Variants in DPH6 observed in about 807,000 individuals in gnomAD.
The protein encoded by DPH6 is diphthamine biosynthesis 6, also known as diphthine--ammonia ligase.
DPH6 carries 33 observed loss-of-function variants against 38.2 expected under a neutral mutation model. That is an observed-to-expected ratio of 0.86 (90% CI 0.65 to 1.15). The LOEUF (loss-of-function observed/expected upper bound fraction) is 1.15, where lower values mean the gene tolerates loss of function less well. Ranked by LOEUF, DPH6 falls within the 50% of genes most tolerant of loss-of-function variation. The pLI is 0.00. For missense variants in DPH6, 325 were observed against 320.0 expected (o/e 1.02, Z -0.12); for synonymous variants, 108 against 103.0 (o/e 1.05, Z -0.30).
chr15:35,347,164 T>A (rs565937464), intron 3 of DPH6, among the ~76,000 whole-genome samples: 40 of 152,278 alleles, frequency 2.6e-4, no homozygotes, highest in African/African-American at 8.7e-4. Flanking sequence ...ACACAGCCCC[T>A]GACAAACACT....
intron 3 of DPH6, chr15:35,237,910 A>C: frequency 7.1e-7 from 1 of 1,407,442 alleles, no homozygotes; most frequent in Non-Finnish European, 1.0e-6. Flanking sequence ...AGGAAGGTGA[A>C]GAGGAGGACG....
intron 3 of DPH6, among the ~76,000 whole-genome samples, chr15:35,462,659 T>A: frequency 6.6e-6 from 1 of 152,200 alleles, no homozygotes; most frequent in South Asian, 2.1e-4. Context: ...CTCCTAACCT[T>A]TCACCATCAC....
rs116845369 is a variant in DPH6 at position 35,400,226 on chromosome 15, T to C, written c.567+10609A>G. Among the ~76,000 whole-genome samples, 206 of 152,222 alleles carry C rather than the reference T, an allele frequency of 1.4e-3. 3 individuals are homozygous for C. The East Asian group carries it at 0.029, about 21-fold the overall frequency. Reference sequence around the variant, plus strand: ...ACAATTATTCACTCAAGAGAAAAAATAAAAGTTGTACAGGAAAAGAAAGGT... The same window carrying C: ...ACAATTATTCACTCAAGAGAAAAAACAAAAGTTGTACAGGAAAAGAAAGGT... On this transcript the variant is annotated intron_variant, in intron 6 of 8. Coordinates refer to ENST00000256538, the MANE Select transcript of DPH6 (RefSeq NM_080650.4).
At chr15:35,333,939 C>T (rs1311952869) in intron 3 of DPH6, among the ~76,000 whole-genome samples, 1 of 152,116 alleles carries the variant, frequency 6.6e-6, no homozygotes, top group Non-Finnish European at 1.5e-5. Context: ...GAGTACTATG[C>T]AGCCATAAAG....
chr15:35,514,642 A>G (rs2054820685), intron 3 of DPH6, among the ~76,000 whole-genome samples: 1 of 152,196 alleles, frequency 6.6e-6, no homozygotes. Context: ...CTTGTGGTGG[A>G]AGCACTAAAA....
At chr15:35,325,862 G>A (rs2052278095), downstream of DPH6, among the ~76,000 whole-genome samples, 1 of 151,690 alleles carries the variant, frequency 6.6e-6, no homozygotes, top group Non-Finnish European at 1.5e-5. Flanking sequence ...AATATATAAA[G>A]AAATAATGTA....
the DPH6 span, among the ~76,000 whole-genome samples, chr15:35,183,476 A>C: frequency 6.6e-6 from 1 of 152,244 alleles, no homozygotes; most frequent in Admixed American, 6.5e-5. Flanking sequence ...AAACGGTAAC[A>C]CTAAGCTCCA....
At chr15:35,154,515 C>T in the DPH6 span, among the ~76,000 whole-genome samples, 1 of 152,004 alleles carries the variant, frequency 6.6e-6, no homozygotes, top group Admixed American at 6.6e-5. Flanking sequence ...AATTATTGTT[C>T]CCATTACTTT....
At chr15:35,537,018 A>C (rs1001181944) in intron 3 of DPH6, among the ~76,000 whole-genome samples, 2 of 152,076 alleles carry the variant, frequency 1.3e-5, no homozygotes, top group Non-Finnish European at 2.9e-5. Flanking sequence ...GAACTACTCT[A>C]AGGGTTTTTC....
rs1393382098 is a variant in DPH6, at chr15:35,454,782, T to C, written c.351A>G (p.Ile117Met). 1.2e-6 allele frequency: 2 copies of C among 1,609,436 alleles called. No homozygotes were observed. Among genetic ancestry groups the C allele is most frequent in the Non-Finnish European group, 8.5e-7 (1 of 1,178,320 alleles). The change falls in exon 4 of 9, where the codon ATA (isoleucine) becomes ATG (methionine). Residue 117 changes from isoleucine to methionine, a missense_variant. Ile to Met is a conservative substitution (Grantham distance 10). Coordinates refer to ENST00000256538, the MANE Select transcript of DPH6 (RefSeq NM_080650.4). The part of the protein sequence containing the change: ...EEVEGISVGA[I>M]LSDYQRIRVE... Reference sequence around the variant, plus strand: ...CTCGAATACGCTGATAGTCAGAAAGTATAGCACCTACTGATATCCCCTCTA... The same window carrying C: ...CTCGAATACGCTGATAGTCAGAAAGCATAGCACCTACTGATATCCCCTCTA...
chr15:35,336,840 T>C (rs1160229802), intron 3 of DPH6, among the ~76,000 whole-genome samples: 26 of 152,132 alleles, frequency 1.7e-4, no homozygotes, highest in Non-Finnish European at 3.8e-4. Context: ...CTGCTGGATT[T>C]GGTTTGCCAG....
intron 3 of DPH6, among the ~76,000 whole-genome samples, chr15:35,226,010 G>A (rs2051478080): frequency 6.6e-6 from 1 of 152,134 alleles, no homozygotes; most frequent in South Asian, 2.1e-4. Flanking sequence ...TACTTGGGAG[G>A]CTAAGGCAGG....
At position 35,232,710 on chromosome 15, in the gene DPH6, C is replaced by A. The variant is rs765508075; in HGVS notation, n.201-12128G>T. Among the ~76,000 whole-genome samples, 110 of 152,146 alleles carry A rather than the reference C, an allele frequency of 7.2e-4. 1 individual carries two copies. The highest frequency in any genetic ancestry group is 2.5e-4 in the Non-Finnish European group (17 of 68,024). On this transcript the variant is annotated intron_variant and non_coding_transcript_variant, in intron 3 of 3. Transcript: ENST00000560386. ...GAACTTCTGCAACACTTTTTTCTATCACATTTGCAAAAATAAAAAAGATTG... is the reference window on the plus strand; with the variant it reads ...GAACTTCTGCAACACTTTTTTCTATAACATTTGCAAAAATAAAAAAGATTG...
chr15:35,405,032 A>C (rs2053273143), intron 6 of DPH6, among the ~76,000 whole-genome samples: 1 of 151,976 alleles, frequency 6.6e-6, no homozygotes, highest in African/African-American at 2.4e-5. Context: ...TGAATTTGTT[A>C]CAGGTGTGTA....
At chr15:35,338,616 C>T (rs1025559161) in intron 3 of DPH6, among the ~76,000 whole-genome samples, 19 of 152,210 alleles carry the variant, frequency 1.2e-4, no homozygotes, top group Non-Finnish European at 1.6e-4. Flanking sequence ...TTGTGGAAGT[C>T]AGTGTGGCGA....
chr15:35,292,822 C>T (rs2051989011), intron 3 of DPH6, among the ~76,000 whole-genome samples: 1 of 152,030 alleles, frequency 6.6e-6, no homozygotes. Context: ...TTCAGTTTCT[C>T]ACCCTTTGCC....
intron 6 of DPH6, among the ~76,000 whole-genome samples, chr15:35,386,668 C>A (rs2052963737): frequency 1.3e-5 from 2 of 152,124 alleles, no homozygotes; most frequent in Non-Finnish European, 1.5e-5. Context: ...TGTTTATATT[C>A]TTTGCCAATT....
intron 3 of DPH6, among the ~76,000 whole-genome samples, chr15:35,345,376 C>T (rs892836530): frequency 7.2e-5 from 11 of 151,772 alleles, no homozygotes; most frequent in Non-Finnish European, 1.6e-4. Flanking sequence ...CTTGCCCATT[C>T]CACTGGTTGA....
chr15:35,283,428 C>G (rs2051916496), intron 3 of DPH6, among the ~76,000 whole-genome samples: 1 of 151,948 alleles, frequency 6.6e-6, no homozygotes. Flanking sequence ...TCCCGAGCAG[C>G]TGGGACCACA....
Sources: gnomAD v4.1 joint callset for allele counts (sites outside exome capture counted in the v4.1 genomes callset) on GRCh38, gnomAD v4.1.1 for gene constraint, MANE v1.5 for transcripts, NCBI Gene and HGNC (gene_info 2026-07-23, HGNC 2026-07-21) for gene names.